ANKS1B: variants seen among roughly 807,000 people sequenced by gnomAD.
The protein encoded by ANKS1B is ankyrin repeat and sterile alpha motif domain containing 1B.
ANKS1B carries 36 observed loss-of-function variants against 148.3 expected under a neutral mutation model. The ratio of observed to expected loss-of-function variants is 0.24; its 90% CI spans 0.19 to 0.32. The LOEUF is 0.32. ANKS1B is among the 10% of genes least tolerant of loss of function. The probability of loss-of-function intolerance (pLI) is 1.00; values close to 1 mark genes in which losing one functional copy is unlikely to be tolerated. For synonymous variants in ANKS1B, 542 were observed against 560.8 expected, an observed-to-expected ratio of 0.97 and a Z score of 0.47; for missense variants, 1,157 against 1,542.6, an observed-to-expected ratio of 0.75 and a Z score of 4.19.
At chr12:99,285,784 G>T (rs1338177539) in intron 12 of ANKS1B, among the ~76,000 whole-genome samples, 1 of 152,074 alleles carries the variant, frequency 6.6e-6, no homozygotes, top group Non-Finnish European at 1.5e-5. Context: ...GTGGGACTTT[G>T]CACTGAAATT....
intron 12 of ANKS1B, among the ~76,000 whole-genome samples, chr12:99,320,229 A>G (rs1404859227): frequency 6.6e-6 from 1 of 152,276 alleles, no homozygotes; most frequent in Middle Eastern, 3.4e-3. Context: ...CTGAATTTGA[A>G]TGTTGGCCTG....
In ANKS1B at chr12:99,262,011, T is replaced by C. The variant is rs1369886103; in HGVS notation, c.1757-15147A>G. Among the ~76,000 whole-genome samples, 3 of 152,118 alleles carry C rather than the reference T, an allele frequency of 2.0e-5. No individual in the cohort carries two copies. In the East Asian group the frequency reaches 5.8e-4, roughly 29 times the overall value. On this transcript the variant is annotated intron_variant, in intron 12 of 26. Coordinates refer to ENST00000683438, the MANE Select transcript of ANKS1B (RefSeq NM_001352186.2). ...GCCTCTTGCTGTTACTCCAATGCATTAGGCATTCTTCTGGGTCATGACCTT... is the reference window on the plus strand; with the variant it reads ...GCCTCTTGCTGTTACTCCAATGCATCAGGCATTCTTCTGGGTCATGACCTT...
Position 99,812,185 on chromosome 12 carries a change from A to G in ANKS1B, c.342T>C (p.His114=), listed in dbSNP as rs540529281. The part of the protein sequence containing the change: ...DVEIVKILIH[H]GPSHSRVNEQ... The stretch of plus-strand genomic sequence containing the variant: ...CATTGACCCTGGAATGTGATGGTCC[A>G]TGATGAATAAGAATCTTCACAATTT... Residue 114 remains histidine, a synonymous_variant, in exon 3 of 27, where the codon CAT becomes CAC. Transcript: ENST00000683438. 7 of 1,611,894 alleles carry G rather than the reference A, an allele frequency of 4.3e-6. No homozygotes were observed. Among genetic ancestry groups the G allele is most frequent in the East Asian group, 2.2e-5 (1 of 44,832 alleles).
chr12:99,765,871 AC>A (rs2062595068), intron 8 of ANKS1B, among the ~76,000 whole-genome samples: 1 of 152,184 alleles, frequency 6.6e-6, no homozygotes, highest in Admixed American at 6.5e-5. Context: ...AATTTTTTTA[AC>A]CGATGCAGAA....
chr12:98,952,927 T>C (rs2099856255), intron 17 of ANKS1B, among the ~76,000 whole-genome samples: 1 of 152,124 alleles, frequency 6.6e-6, no homozygotes, highest in African/African-American at 2.4e-5. Flanking sequence ...GGTGCGATCA[T>C]GGCTCACTAT....
chr12:98,810,952 G>A (rs372667849), intron 19 of ANKS1B, among the ~76,000 whole-genome samples: 2 of 152,350 alleles, frequency 1.3e-5, no homozygotes, highest in South Asian at 2.1e-4. Flanking sequence ...GAGGGCAGGT[G>A]TCATGGTCTA....
chr12:99,287,845 T>C (rs1486689498), intron 12 of ANKS1B, among the ~76,000 whole-genome samples: 1 of 152,042 alleles, frequency 6.6e-6, no homozygotes, highest in Admixed American at 6.6e-5. Context: ...GACAGGCTAT[T>C]TGAAAACACA....
chr12:99,285,240 C>T (rs1258122702), intron 12 of ANKS1B, among the ~76,000 whole-genome samples: 1 of 152,074 alleles, frequency 6.6e-6, no homozygotes, highest in Non-Finnish European at 1.5e-5. Context: ...TGTCTAGCTG[C>T]CTTTACTCAG....
At chr12:99,586,423 T>C (rs534932491) in intron 9 of ANKS1B, among the ~76,000 whole-genome samples, 2 of 152,308 alleles carry the variant, frequency 1.3e-5, no homozygotes, top group East Asian at 3.9e-4. Context: ...GTCAGAGCCA[T>C]TCAACAAGTC....
At chr12:99,700,818 G>T (rs1472066227) in intron 8 of ANKS1B, among the ~76,000 whole-genome samples, 2 of 152,116 alleles carry the variant, frequency 1.3e-5, no homozygotes, top group Non-Finnish European at 2.9e-5. Context: ...GAGAATTTAT[G>T]TTCTGCAATT....
intron 14 of ANKS1B, among the ~76,000 whole-genome samples, chr12:99,161,996 T>A (rs1352703244): frequency 1.3e-5 from 2 of 151,548 alleles, no homozygotes; most frequent in Non-Finnish European, 2.9e-5. Flanking sequence ...ACAATAAAAA[T>A]AAATGAAGTG....
intron 9 of ANKS1B, among the ~76,000 whole-genome samples, chr12:99,645,062 A>G (rs1004183565): frequency 3.9e-5 from 6 of 152,214 alleles, no homozygotes; most frequent in African/African-American, 1.4e-4. Flanking sequence ...TCTGCCACAT[A>G]AGGTAATATA....
At chr12:98,849,556 TA>T (rs1048595405) in intron 17 of ANKS1B, among the ~76,000 whole-genome samples, 1 of 152,180 alleles carries the variant, frequency 6.6e-6, no homozygotes, top group Non-Finnish European at 1.5e-5. Context: ...TTTTGTTTCC[TA>T]AAAAAAGACT....
chr12:99,591,142 T>C (rs1024891697), intron 9 of ANKS1B, among the ~76,000 whole-genome samples: 3 of 152,088 alleles, frequency 2.0e-5, no homozygotes, highest in African/African-American at 7.2e-5. Context: ...AGAATACTGA[T>C]CTTATTATCT....
At chr12:99,297,404 G>A (rs899268749) in intron 12 of ANKS1B, among the ~76,000 whole-genome samples, 22 of 152,098 alleles carry the variant, frequency 1.4e-4, no homozygotes, top group Non-Finnish European at 2.6e-4. Flanking sequence ...AAAATGTTTT[G>A]TAGTAGCGTA....
chr12:99,136,732 GTGGGGC>G (rs901251912), intron 15 of ANKS1B, among the ~76,000 whole-genome samples: 8 of 152,210 alleles, frequency 5.3e-5, no homozygotes, highest in Non-Finnish European at 1.0e-4. Flanking sequence ...CTTTTGGAGA[GTGGGGC>G]TGGGAACAGG....
intron 17 of ANKS1B, among the ~76,000 whole-genome samples, chr12:98,863,457 G>A (rs377744071): frequency 6.6e-6 from 1 of 152,230 alleles, no homozygotes; most frequent in Admixed American, 6.5e-5. Flanking sequence ...CTTCTGTGCT[G>A]TGTGCCTGGT....
intron 24 of ANKS1B, among the ~76,000 whole-genome samples, chr12:98,775,810 G>A (rs7135051): frequency 0.12 from 17,748 of 152,046 alleles, 2,079 homozygotes; most frequent in African/African-American, 0.31. Flanking sequence ...TGCCCAGGGA[G>A]GCCTGACCTC....
At chr12:99,152,316 T>C (rs1210532603) in intron 15 of ANKS1B, among the ~76,000 whole-genome samples, 1 of 152,130 alleles carries the variant, frequency 6.6e-6, no homozygotes, top group Non-Finnish European at 1.5e-5. Context: ...TAAAAGATAA[T>C]TCTGTCTCAT....
Sources: gnomAD v4.1 joint callset for allele counts (sites outside exome capture counted in the v4.1 genomes callset) on GRCh38, gnomAD v4.1.1 for gene constraint, MANE v1.5 for transcripts, NCBI Gene and HGNC (gene_info 2026-07-23, HGNC 2026-07-21) for gene names.